Variants in PDGFC observed in about 807,000 individuals in gnomAD.
PDGFC encodes platelet-derived growth factor C.
A neutral mutation model predicts 35.5 loss-of-function variants in PDGFC; 12 were observed. That is an observed-to-expected ratio of 0.34 (90% CI 0.22 to 0.55). The LOEUF (loss-of-function observed/expected upper bound fraction) is 0.55, where lower values mean the gene tolerates loss of function less well. Among genes scored for constraint, PDGFC ranks in the 20% least tolerant of loss-of-function variants. The pLI, the probability that PDGFC is intolerant of heterozygous loss-of-function variation, is 0.91. For synonymous variants in PDGFC, 159 were observed against 148.8 expected, an observed-to-expected ratio of 1.07 and a Z score of -0.50; for missense variants, 322 against 412.4, an observed-to-expected ratio of 0.78 and a Z score of 1.90.
At chr4:156,845,104 C>CAT (rs1487549452) in intron 2 of PDGFC, among the ~76,000 whole-genome samples, 4 of 151,702 alleles carry the variant, frequency 2.6e-5, no homozygotes, top group African/African-American at 4.8e-5. Context: ...TTTAAAAACT[C>CAT]ATATATATAT....
intron 2 of PDGFC, among the ~76,000 whole-genome samples, chr4:156,833,247 G>A (rs1728986860): frequency 6.6e-6 from 1 of 152,112 alleles, no homozygotes; most frequent in East Asian, 1.9e-4. Flanking sequence ...GATATCTCCG[G>A]CTAGTTAAAA....
intron 2 of PDGFC, chr4:156,841,889 T>C (rs1729214370): frequency 6.6e-6 from 1 of 152,198 alleles, no homozygotes; most frequent in Non-Finnish European, 1.5e-5. Flanking sequence ...AGTCTTAAAT[T>C]AACACTTCCT....
At chr4:156,903,786 C>A (rs1365192345) in intron 1 of PDGFC, among the ~76,000 whole-genome samples, 1 of 152,084 alleles carries the variant, frequency 6.6e-6, no homozygotes, top group Non-Finnish European at 1.5e-5. Flanking sequence ...TCTGTAGAAT[C>A]TCTTGATTAA....
intron 1 of PDGFC, among the ~76,000 whole-genome samples, chr4:156,964,152 G>A (rs1049774369): frequency 4.6e-5 from 7 of 151,764 alleles, no homozygotes; most frequent in Non-Finnish European, 7.4e-5. Flanking sequence ...TCATTGAGAT[G>A]TACTGTTAAA....
chr4:156,922,135 C>G (rs1731297422), intron 1 of PDGFC, among the ~76,000 whole-genome samples: 1 of 147,766 alleles, frequency 6.8e-6, no homozygotes, highest in South Asian at 2.2e-4. Flanking sequence ...TAGTGTTGTG[C>G]CTATCTCACA....
chr4:156,961,214 G>A (rs1252614733), intron 1 of PDGFC, among the ~76,000 whole-genome samples: 1 of 152,066 alleles, frequency 6.6e-6, no homozygotes, highest in Non-Finnish European at 1.5e-5. Flanking sequence ...GAAACAAGCT[G>A]TGATTTATTC....
intron 3 of PDGFC, among the ~76,000 whole-genome samples, chr4:156,799,375 A>G (rs1377323276): frequency 6.6e-6 from 1 of 152,124 alleles, no homozygotes; most frequent in Non-Finnish European, 1.5e-5. Context: ...GGTGGCCTAC[A>G]TGTGGTCACA....
intron 1 of PDGFC, among the ~76,000 whole-genome samples, chr4:156,882,616 T>C (rs1036995952): frequency 7.2e-5 from 11 of 152,194 alleles, no homozygotes; most frequent in African/African-American, 2.7e-4. Flanking sequence ...TGCATGTTGA[T>C]AGGGATTGTT....
chr4:156,897,880 C>T (rs1730673117), intron 1 of PDGFC, among the ~76,000 whole-genome samples: 1 of 152,142 alleles, frequency 6.6e-6, no homozygotes, highest in Admixed American at 6.5e-5. Flanking sequence ...TACAACAAAA[C>T]AAAATCATGA....
chr4:156,946,249 T>C (rs535848948), intron 1 of PDGFC, among the ~76,000 whole-genome samples: 1 of 152,186 alleles, frequency 6.6e-6, no homozygotes, highest in African/African-American at 2.4e-5. Context: ...AATATTTCTT[T>C]ATCTACCACC....
At chr4:156,832,845 G>A (rs1373595548) in intron 2 of PDGFC, among the ~76,000 whole-genome samples, 1 of 152,194 alleles carries the variant, frequency 6.6e-6, no homozygotes, top group African/African-American at 2.4e-5. Context: ...GGATTTGGGT[G>A]TATGTGGGCA....
At chr4:156,901,913 G>C (rs1425433411) in intron 1 of PDGFC, among the ~76,000 whole-genome samples, 2 of 152,092 alleles carry the variant, frequency 1.3e-5, no homozygotes, top group Non-Finnish European at 2.9e-5. Flanking sequence ...AGCCTGGCCA[G>C]GTATGTAGAT....
At chr4:156,888,809 T>C (rs1012714521) in intron 1 of PDGFC, among the ~76,000 whole-genome samples, 12 of 152,168 alleles carry the variant, frequency 7.9e-5, no homozygotes, top group African/African-American at 2.9e-4. Context: ...TTCTCTACAC[T>C]AAACATTCAT....
At chr4:156,855,090 T>C (rs1185464314) in intron 1 of PDGFC, among the ~76,000 whole-genome samples, 2 of 152,100 alleles carry the variant, frequency 1.3e-5, no homozygotes, top group Admixed American at 1.3e-4. Context: ...GTTGACTATA[T>C]GTGTATATAT....
At chr4:156,824,368 A>T (rs1462245165) in intron 2 of PDGFC, among the ~76,000 whole-genome samples, 1 of 146,434 alleles carries the variant, frequency 6.8e-6, no homozygotes, top group African/African-American at 2.6e-5. Context: ...ACATATATAC[A>T]CACACATACA....
intron 1 of PDGFC, among the ~76,000 whole-genome samples, chr4:156,919,313 TG>T (rs1224717041): frequency 6.6e-6 from 1 of 152,196 alleles, no homozygotes; most frequent in Non-Finnish European, 1.5e-5. Context: ...CTTTCCTAAA[TG>T]ACCCTCAAAT....
At chr4:156,792,266 G>T (rs1391223222) in intron 3 of PDGFC, among the ~76,000 whole-genome samples, 2 of 152,060 alleles carry the variant, frequency 1.3e-5, no homozygotes, top group Non-Finnish European at 2.9e-5. Flanking sequence ...AAAAAATACA[G>T]GTTCCACTGG....
intron 1 of PDGFC, among the ~76,000 whole-genome samples, chr4:156,941,940 T>C (rs372506664): frequency 3.9e-5 from 6 of 152,138 alleles, no homozygotes; most frequent in Non-Finnish European, 8.8e-5. Context: ...TTTGACGTTT[T>C]ACATGAAAGT....
chr4:156,954,128 T>C (rs897109768), intron 1 of PDGFC, among the ~76,000 whole-genome samples: 3 of 151,882 alleles, frequency 2.0e-5, no homozygotes, highest in Non-Finnish European at 4.4e-5. Flanking sequence ...AGGGTTATGG[T>C]TTCAATTTGG....
Sources: allele counts gnomAD v4.1 joint callset (sites outside exome capture counted in the v4.1 genomes callset), GRCh38; gene constraint gnomAD v4.1.1; transcripts MANE v1.5; gene names NCBI Gene and HGNC (gene_info 2026-07-23, HGNC 2026-07-21).